The following ADAMTS12 variants were observed in gnomAD, a reference collection of about 807,000 sequenced individuals.
The protein encoded by ADAMTS12 is A disintegrin and metalloproteinase with thrombospondin motifs 12.
A neutral mutation model predicts 167.8 loss-of-function variants in ADAMTS12; 118 were observed. That is an observed-to-expected ratio of 0.70 (90% CI 0.61 to 0.82). The LOEUF is 0.82. Ranked by LOEUF, ADAMTS12 falls within the 40% of genes least tolerant of loss-of-function variation. The probability of loss-of-function intolerance (pLI) is 0.00; values close to 1 mark genes in which losing one functional copy is unlikely to be tolerated. For missense variants in ADAMTS12, 1,916 were observed against 1,998.8 expected (o/e 0.96, Z 0.79); for synonymous variants, 704 against 716.9 (o/e 0.98, Z 0.29).
Position 33,751,523 on chromosome 5 carries a change from C to T in ADAMTS12, c.515G>A (p.Gly172Glu). ...GLTGFFQLPH[G>E]DFFIEPVKKH... ...CTTCACGGGTTCAATGAAAAAGTCT[C>T]CATGTGGTAGTTGGAAAAATCCAGT... Residue 172 changes from glycine to glutamate, a missense_variant, in exon 3 of 24, where the codon GGA becomes GAA. Gly to Glu is a moderately conservative substitution (Grantham distance 98, BLOSUM62 -2). Coordinates refer to ENST00000504830, the MANE Select transcript of ADAMTS12 (RefSeq NM_030955.4). The T allele has an allele frequency of 6.2e-7, 1 of 1,614,006 alleles. No homozygotes were observed. The highest frequency in any genetic ancestry group is 8.5e-7 in the Non-Finnish European group (1 of 1,179,980).
intron 2 of ADAMTS12, among the ~76,000 whole-genome samples, chr5:33,797,788 A>C (rs540850312): frequency 4.6e-5 from 7 of 152,346 alleles, no homozygotes; most frequent in Non-Finnish European, 8.8e-5. Flanking sequence ...TTCTCAAGCT[A>C]TTATGGAACC....
At chr5:33,758,573 A>G (rs1192792568) in intron 2 of ADAMTS12, among the ~76,000 whole-genome samples, 3 of 152,188 alleles carry the variant, frequency 2.0e-5, no homozygotes, top group African/African-American at 7.2e-5. Context: ...GGGCTCCCAC[A>G]AAAGTAAAAC....
At chr5:33,703,251 C>G (rs1456007879) in intron 3 of ADAMTS12, among the ~76,000 whole-genome samples, 5 of 152,080 alleles carry the variant, frequency 3.3e-5, no homozygotes, top group African/African-American at 1.2e-4. Flanking sequence ...TTCAAATAGG[C>G]TTGACACATG....
chr5:33,750,814 G>T (rs1744944973), intron 3 of ADAMTS12, among the ~76,000 whole-genome samples: 1 of 152,174 alleles, frequency 6.6e-6, no homozygotes, highest in Non-Finnish European at 1.5e-5. Flanking sequence ...CATTCTTGGG[G>T]CTTAAGGGCA....
At chr5:33,730,631 G>A (rs1428840621) in intron 3 of ADAMTS12, among the ~76,000 whole-genome samples, 1 of 152,136 alleles carries the variant, frequency 6.6e-6, no homozygotes, top group Non-Finnish European at 1.5e-5. Context: ...AAGGCAGGTT[G>A]CTTCCATTGA....
chr5:33,580,747 C>T (rs1172818010), intron 18 of ADAMTS12, among the ~76,000 whole-genome samples: 1 of 152,028 alleles, frequency 6.6e-6, no homozygotes, highest in Non-Finnish European at 1.5e-5. Context: ...AAAATAGTAG[C>T]CAACATTTTA....
intron 18 of ADAMTS12, among the ~76,000 whole-genome samples, chr5:33,578,307 A>G (rs1746865725): frequency 6.6e-6 from 1 of 152,214 alleles, no homozygotes; most frequent in African/African-American, 2.4e-5. Context: ...CAAGGCAGGA[A>G]CTGTTATTCT....
chr5:33,881,449 G>C lies in ADAMTS12; in HGVS notation c.159C>G (p.His53Gln). 1 of 1,613,502 alleles carries C rather than the reference G, an allele frequency of 6.2e-7. No individual in the cohort carries two copies. Among genetic ancestry groups the C allele is most frequent in the South Asian group, 1.1e-5 (1 of 91,066 alleles). Residue 53 changes from histidine (H) to glutamine (Q), a missense_variant, in exon 2 of 24, where the codon CAC becomes CAG. Physicochemically the swap from His to Gln is conservative, Grantham distance 24. Coordinates refer to ENST00000504830, the MANE Select transcript of ADAMTS12 (RefSeq NM_030955.4). ...CATCTACTCGGACTGGACCCACCACGTGGTATTCTGGCAGGCCCTTGATAA... is the reference window on the plus strand; with the variant it reads ...CATCTACTCGGACTGGACCCACCACCTGGTATTCTGGCAGGCCCTTGATAA... ...EHFIKGLPEY[H>Q]VVGPVRVDAS...
intron 18 of ADAMTS12, among the ~76,000 whole-genome samples, chr5:33,577,805 C>T (rs1335212493): frequency 3.3e-5 from 5 of 152,094 alleles, no homozygotes; most frequent in South Asian, 4.2e-4. Flanking sequence ...CCAAGGAGTT[C>T]GGTCAATCCC....
chr5:33,865,682 A>G (rs1421035378), intron 2 of ADAMTS12, among the ~76,000 whole-genome samples: 1 of 152,158 alleles, frequency 6.6e-6, no homozygotes, highest in Non-Finnish European at 1.5e-5. Context: ...ATTGTTGTTC[A>G]CTGATGATAT....
chr5:33,716,176 T>C (rs1000228603), intron 3 of ADAMTS12, among the ~76,000 whole-genome samples: 5 of 152,196 alleles, frequency 3.3e-5, no homozygotes, highest in African/African-American at 1.2e-4. Flanking sequence ...AAAAGAGGCC[T>C]GAGAGAGCTT....
At chr5:33,712,465 A>G (rs1162701091) in intron 3 of ADAMTS12, among the ~76,000 whole-genome samples, 1 of 152,196 alleles carries the variant, frequency 6.6e-6, no homozygotes, top group African/African-American at 2.4e-5. Flanking sequence ...AAAGGAAGTT[A>G]TAAAACCCTC....
chr5:33,620,787 A>C (rs1294396167), intron 14 of ADAMTS12, among the ~76,000 whole-genome samples: 4 of 152,202 alleles, frequency 2.6e-5, no homozygotes, highest in African/African-American at 9.7e-5. Flanking sequence ...TGATGTGTCT[A>C]GGCTACACAG....
At chr5:33,837,115 T>G (rs1748558630) in intron 2 of ADAMTS12, among the ~76,000 whole-genome samples, 1 of 152,160 alleles carries the variant, frequency 6.6e-6, no homozygotes, top group East Asian at 1.9e-4. Flanking sequence ...AGCCCCACTG[T>G]GTGCTTTAAA....
At chr5:33,890,755 A>T (rs1284369317) in intron 1 of ADAMTS12, among the ~76,000 whole-genome samples, 1 of 152,132 alleles carries the variant, frequency 6.6e-6, no homozygotes, top group African/African-American at 2.4e-5. Context: ...GCTACAGGAC[A>T]GTGCTGCATG....
At chr5:33,874,858 A>G (rs1226335644) in intron 2 of ADAMTS12, among the ~76,000 whole-genome samples, 1 of 152,188 alleles carries the variant, frequency 6.6e-6, no homozygotes, top group Non-Finnish European at 1.5e-5. Context: ...TTATGAGGTC[A>G]GGAGATTGAG....
chr5:33,783,464 C>T (rs1209002231), intron 2 of ADAMTS12, among the ~76,000 whole-genome samples: 1 of 151,588 alleles, frequency 6.6e-6, no homozygotes, highest in Non-Finnish European at 1.5e-5. Context: ...TTGACAAAAT[C>T]AGCAAAATCA....
intron 16 of ADAMTS12, among the ~76,000 whole-genome samples, chr5:33,607,123 T>C (rs1738481659): frequency 6.6e-6 from 1 of 152,124 alleles, no homozygotes; most frequent in Admixed American, 6.5e-5. Context: ...CCGATAAGGA[T>C]CATCTGAAGC....
At chr5:33,700,153 A>G (rs1742949402) in intron 3 of ADAMTS12, among the ~76,000 whole-genome samples, 1 of 152,222 alleles carries the variant, frequency 6.6e-6, no homozygotes, top group Non-Finnish European at 1.5e-5. Flanking sequence ...AGTATCTTAT[A>G]AAACTACACA....
Sources: gnomAD v4.1 joint callset for allele counts (sites outside exome capture counted in the v4.1 genomes callset) on GRCh38, gnomAD v4.1.1 for gene constraint, MANE v1.5 for transcripts, NCBI Gene and HGNC (gene_info 2026-07-23, HGNC 2026-07-21) for gene names.